ZNF827: variants seen among roughly 807,000 people sequenced by gnomAD.
ZNF827 encodes zinc finger protein 827.
ZNF827 carries 13 observed loss-of-function variants against 102.4 expected under a neutral mutation model. The ratio of observed to expected loss-of-function variants is 0.13; its 90% CI spans 0.08 to 0.20. ZNF827 has a LOEUF of 0.20. Among genes scored for constraint, ZNF827 ranks in the 10% least tolerant of loss-of-function variants. The pLI is 1.00. For missense variants in ZNF827, 1,103 were observed against 1,344.4 expected (o/e 0.82, Z 2.81); for synonymous variants, 523 against 536.2 (o/e 0.98, Z 0.34).
intron 1 of ZNF827, among the ~76,000 whole-genome samples, chr4:145,924,007 G>A (rs1753255925): frequency 6.6e-6 from 1 of 152,166 alleles, no homozygotes; most frequent in Non-Finnish European, 1.5e-5. Context: ...AAAAAAAGTG[G>A]AAACAAAAGC....
intron 1 of ZNF827, among the ~76,000 whole-genome samples, chr4:145,932,344 G>A (rs556148110): frequency 6.6e-6 from 1 of 152,298 alleles, no homozygotes; most frequent in East Asian, 1.9e-4. Context: ...AAACTAACTT[G>A]TCCAGACAGA....
At chr4:145,906,241 T>C (rs552561655) in intron 1 of ZNF827, among the ~76,000 whole-genome samples, 82 of 152,212 alleles carry the variant, frequency 5.4e-4, no homozygotes, top group Non-Finnish European at 1.1e-3. Context: ...TCTAGAGAGC[T>C]CTGAGCAGCT....
chr4:145,781,228 G>T (rs202003219), intron 8 of ZNF827, among the ~76,000 whole-genome samples: 4 of 99,696 alleles, frequency 4.0e-5, no homozygotes, highest in African/African-American at 3.7e-5. Context: ...GAAAAAAAAA[G>T]AAAAAAAAAA....
At chr4:145,910,662 A>G (rs914025930) in intron 1 of ZNF827, among the ~76,000 whole-genome samples, 18 of 152,186 alleles carry the variant, frequency 1.2e-4, no homozygotes, top group South Asian at 2.1e-4. Flanking sequence ...CCAGCAGCCA[A>G]AGTAAGTTCT....
intron 1 of ZNF827, among the ~76,000 whole-genome samples, chr4:145,904,471 T>C (rs1446545032): frequency 2.6e-5 from 4 of 152,244 alleles, no homozygotes; most frequent in Middle Eastern, 3.4e-3. Flanking sequence ...AAACAGGTGG[T>C]CAAGGTGGAG....
chr4:145,936,577 C>A lies in ZNF827; in HGVS notation c.43+1788G>T, dbSNP rs1278270188. 2.0e-5 allele frequency among the ~76,000 whole-genome samples: 3 copies of A among 152,194 alleles called. No homozygotes were observed. In the East Asian group the frequency reaches 5.8e-4, roughly 29 times the overall value. On this transcript the variant is annotated intron_variant, in intron 1 of 14. Transcript: ENST00000508784. ...TTGCAAGTGCCCTTGCTCGCCACTTCGGCTGCGGCCCGGGTGACACGGAGG... is the reference window on the plus strand; with the variant it reads ...TTGCAAGTGCCCTTGCTCGCCACTTAGGCTGCGGCCCGGGTGACACGGAGG...
Position 145,849,544 on chromosome 4 carries a change from T to C in ZNF827, c.1999A>G (p.Thr667Ala), listed in dbSNP as rs748684489. Residue 667 changes from threonine to alanine, a missense_variant, in exon 6 of 15, where the codon ACA becomes GCA. This residue lies in a region of ZNF827 where 243 missense variants were observed against 251.6 expected (regional missense o/e 0.97). Coordinates refer to ENST00000508784, the MANE Select transcript of ZNF827 (RefSeq NM_001306215.2). ...TCCTCTTTAATCTTCACCATCTGTG[T>C]TTCCTTGTAGCTTTCCGCTGCAAGT... is the stretch of plus-strand genomic sequence containing the variant. ...MKLSAESYKE[T>A]QMVKIKEEPM... is the part of the protein sequence containing the mutation. 3 of 1,614,166 alleles carry C rather than the reference T, an allele frequency of 1.9e-6. No individual in the cohort carries two copies. In the South Asian group the frequency reaches 3.3e-5, roughly 18 times the overall value.
chr4:145,797,300 G>T (rs1740478434), intron 8 of ZNF827, among the ~76,000 whole-genome samples: 1 of 152,192 alleles, frequency 6.6e-6, no homozygotes. Context: ...AGAGAGCAAA[G>T]TAAGTTCAGA....
chr4:145,893,600 G>C (rs1750768689), intron 2 of ZNF827, among the ~76,000 whole-genome samples: 1 of 152,134 alleles, frequency 6.6e-6, no homozygotes, highest in South Asian at 2.1e-4. Flanking sequence ...AAACCATTAG[G>C]TGAAATATTA....
chr4:145,769,572 G>A (rs901142230), intron 11 of ZNF827, among the ~76,000 whole-genome samples: 1 of 152,194 alleles, frequency 6.6e-6, no homozygotes, highest in Non-Finnish European at 1.5e-5. Context: ...GCCACTCTGT[G>A]ATGCAGCCCA....
intron 8 of ZNF827, among the ~76,000 whole-genome samples, chr4:145,807,857 A>C (rs1387749763): frequency 6.6e-6 from 1 of 152,116 alleles, no homozygotes; most frequent in African/African-American, 2.4e-5. Context: ...GGCAAGTCTT[A>C]GTATGACACC....
intron 11 of ZNF827, among the ~76,000 whole-genome samples, chr4:145,766,359 GA>G (rs1735295975): frequency 2.6e-5 from 4 of 152,092 alleles, no homozygotes; most frequent in Non-Finnish European, 4.4e-5. Context: ...ACTAACAACT[GA>G]AAAAAATCAG....
rs2127021919 is a variant in ZNF827, at chr4:145,938,434, C to A, written c.-27G>T. On this transcript the variant is annotated 5_prime_UTR_variant, in exon 1 of 15. It adds an upstream start codon to the 5' untranslated region. Transcript: ENST00000508784. The stretch of plus-strand genomic sequence containing the variant: ...TTCCCCCTTTTCTCACATTCTCCTC[C>A]TTGGTTAATGTGAGATCAAATAAAC... The A allele has an allele frequency of 6.5e-7, 1 of 1,532,292 alleles. No individual in the cohort carries two copies. The highest frequency in any genetic ancestry group is 8.8e-7 in the Non-Finnish European group (1 of 1,130,538). The allele number at this position is 1,532,292 out of a possible 1,614,324, so 94.9% of individuals were successfully genotyped here. A position where few individuals can be genotyped will look rare whatever the true frequency, so the allele number is the denominator to read the frequency against.
chr4:145,897,477 G>A (rs905468552), intron 2 of ZNF827, among the ~76,000 whole-genome samples: 1 of 152,022 alleles, frequency 6.6e-6, no homozygotes, highest in Non-Finnish European at 1.5e-5. Flanking sequence ...GCATTATTAC[G>A]GTCTCCATTC....
At chr4:145,819,850 T>C (rs1248568118) in intron 8 of ZNF827, 1 of 152,252 alleles carries the variant, frequency 6.6e-6, no homozygotes, top group Non-Finnish European at 1.5e-5. Context: ...TTGGCTAACA[T>C]GAGCATTCTT....
intron 8 of ZNF827, among the ~76,000 whole-genome samples, chr4:145,788,200 T>C (rs1739168113): frequency 6.6e-6 from 1 of 152,160 alleles, no homozygotes; most frequent in East Asian, 1.9e-4. Flanking sequence ...GCTTAAAAAA[T>C]ACTTACTGAT....
chr4:145,937,718 T>TCCA (rs1754316936), intron 1 of ZNF827, among the ~76,000 whole-genome samples: 2 of 57,086 alleles, frequency 3.5e-5, no homozygotes, highest in Non-Finnish European at 6.9e-5. Flanking sequence ...CGCCGCCTCC[T>TCCA]CCACCTCCGC....
At chr4:145,883,688 G>C (rs370064572) in intron 4 of ZNF827, among the ~76,000 whole-genome samples, 11 of 152,202 alleles carry the variant, frequency 7.2e-5, no homozygotes, top group African/African-American at 1.7e-4. Flanking sequence ...TGGAGTCATG[G>C]AGTAAAGGGA....
In ZNF827 at chr4:145,888,674, T is replaced by C. The variant is rs72725707; in HGVS notation, c.1267-2516A>G. 5.3e-3 allele frequency among the ~76,000 whole-genome samples: 809 copies of C among 152,392 alleles called. 7 individuals are homozygous for C. Among genetic ancestry groups the C allele is most frequent in the Non-Finnish European group, 7.8e-3 (534 of 68,034 alleles). Reference sequence around the variant, plus strand: ...CTGAGGCTACTAGAACTCAGTACCCTGACTCTCGGTCAGTTTCCTGCTAAT... The same window carrying C: ...CTGAGGCTACTAGAACTCAGTACCCCGACTCTCGGTCAGTTTCCTGCTAAT... On this transcript the variant is annotated intron_variant, in intron 3 of 14. Transcript: ENST00000508784.
Sources: gnomAD v4.1 joint callset for allele counts (sites outside exome capture counted in the v4.1 genomes callset) on GRCh38, gnomAD v4.1.1 for gene constraint, gnomAD v4.1.1 regional missense constraint, MANE v1.5 for transcripts, NCBI Gene and HGNC (gene_info 2026-07-23, HGNC 2026-07-21) for gene names.